SLC16A7: variants seen among roughly 807,000 people sequenced by gnomAD.
The protein encoded by SLC16A7 is solute carrier family 16 member 7.
Under a neutral mutation model 34.9 loss-of-function variants are expected in SLC16A7, and 33 were observed. That is an observed-to-expected ratio of 0.94 (90% CI 0.72 to 1.26). The LOEUF (loss-of-function observed/expected upper bound fraction) is 1.26, where lower values mean the gene tolerates loss of function less well. Ranked by LOEUF, SLC16A7 falls within the 50% of genes most tolerant of loss-of-function variation. The pLI is 0.00. For missense variants in SLC16A7, 573 were observed against 578.1 expected (o/e 0.99, Z 0.09); for synonymous variants, 201 against 206.6 (o/e 0.97, Z 0.23).
intron 2 of SLC16A7, among the ~76,000 whole-genome samples, chr12:59,702,620 A>G (rs1873022609): frequency 6.6e-6 from 1 of 152,096 alleles, no homozygotes; most frequent in Non-Finnish European, 1.5e-5. Context: ...TGACCTTGTC[A>G]CTATAGTTTC....
intron 1 of SLC16A7, among the ~76,000 whole-genome samples, chr12:59,633,761 GGA>G (rs1004364918): frequency 6.6e-6 from 1 of 151,974 alleles, no homozygotes; most frequent in Admixed American, 6.6e-5. Flanking sequence ...CATGTCAACA[GGA>G]GAGAGAGTCA....
At chr12:59,690,738 CTT>C (rs1565651207) in intron 2 of SLC16A7, among the ~76,000 whole-genome samples, 1 of 151,872 alleles carries the variant, frequency 6.6e-6, no homozygotes, top group Non-Finnish European at 1.5e-5. Flanking sequence ...AAAAGGGTGA[CTT>C]AACTTTCAGA....
At chr12:59,741,029 G>T (rs1016123934) in intron 3 of SLC16A7, among the ~76,000 whole-genome samples, 9 of 152,218 alleles carry the variant, frequency 5.9e-5, no homozygotes, top group African/African-American at 2.2e-4. Flanking sequence ...TCTTCAAGGA[G>T]AACTACAAAC....
At chr12:59,631,492 C>T (rs1171156003) in intron 1 of SLC16A7, among the ~76,000 whole-genome samples, 1 of 151,904 alleles carries the variant, frequency 6.6e-6, no homozygotes, top group East Asian at 1.9e-4. Context: ...ATATACTTGC[C>T]TCATCAGTCC....
chr12:59,770,517 AG>A (rs1460802950), intron 3 of SLC16A7, among the ~76,000 whole-genome samples: 1 of 152,210 alleles, frequency 6.6e-6, no homozygotes, highest in African/African-American at 2.4e-5. Flanking sequence ...GCTCCTTAAA[AG>A]GTTCTACTGA....
chr12:59,621,949 C>T (rs749847228), intron 1 of SLC16A7, among the ~76,000 whole-genome samples: 24 of 151,468 alleles, frequency 1.6e-4, no homozygotes, highest in Non-Finnish European at 3.1e-4. Context: ...TCCATTCCAC[C>T]CTCCAATCAC....
chr12:59,738,716 A>AGCAGTCT (rs1196050708), intron 3 of SLC16A7, among the ~76,000 whole-genome samples: 1 of 152,116 alleles, frequency 6.6e-6, no homozygotes, highest in Admixed American at 6.5e-5. Context: ...CTCATAGGTG[A>AGCAGTCT]AAGACTATGA....
chr12:59,754,519 A>C (rs1465615508), intron 3 of SLC16A7, among the ~76,000 whole-genome samples: 2 of 152,192 alleles, frequency 1.3e-5, no homozygotes, highest in African/African-American at 2.4e-5. Context: ...GAAATGGATA[A>C]ATTCCTCGAC....
At chr12:59,678,567 C>A (rs778755680) in intron 2 of SLC16A7, among the ~76,000 whole-genome samples, 20 of 152,144 alleles carry the variant, frequency 1.3e-4, no homozygotes, top group African/African-American at 4.1e-4. Context: ...GTTGTCCCAT[C>A]GTCTCTTTGA....
chr12:59,659,689 G>A (rs1868734330), intron 2 of SLC16A7, among the ~76,000 whole-genome samples: 1 of 152,056 alleles, frequency 6.6e-6, no homozygotes, highest in East Asian at 1.9e-4. Flanking sequence ...TTTCTCATTT[G>A]AACTTATCAT....
At chr12:59,657,727 G>A (rs1413159809) in intron 2 of SLC16A7, among the ~76,000 whole-genome samples, 1 of 151,842 alleles carries the variant, frequency 6.6e-6, no homozygotes, top group East Asian at 1.9e-4. Context: ...TAATTAATTC[G>A]ACCAACATGT....
chr12:59,689,721 A>G (rs1871427237), intron 2 of SLC16A7, among the ~76,000 whole-genome samples: 1 of 152,038 alleles, frequency 6.6e-6, no homozygotes. Context: ...GTGCCAGTTA[A>G]TGATCTAATG....
intron 3 of SLC16A7, among the ~76,000 whole-genome samples, chr12:59,760,659 G>A (rs1390887783): frequency 1.3e-5 from 2 of 151,906 alleles, no homozygotes; most frequent in Non-Finnish European, 2.9e-5. Context: ...ATAACTAAGA[G>A]GGCTGCTAAG....
intron 2 of SLC16A7, among the ~76,000 whole-genome samples, chr12:59,704,448 A>T (rs1277793631): frequency 6.6e-6 from 1 of 152,116 alleles, no homozygotes; most frequent in East Asian, 1.9e-4. Flanking sequence ...TATGTATCAG[A>T]TCTATCTTAG....
intron 1 of SLC16A7, among the ~76,000 whole-genome samples, chr12:59,618,684 T>A (rs1386167483): frequency 2.0e-5 from 3 of 151,972 alleles, no homozygotes; most frequent in African/African-American, 7.2e-5. Context: ...AGGTGTGTGA[T>A]CTTCCGTTTC....
intron 3 of SLC16A7, among the ~76,000 whole-genome samples, chr12:59,756,503 A>C (rs1392346785): frequency 1.3e-5 from 2 of 152,142 alleles, no homozygotes; most frequent in Admixed American, 6.6e-5. Flanking sequence ...AACACATGTA[A>C]AAATGCTCAC....
At chr12:59,725,189 T>C (rs1876092997) in intron 3 of SLC16A7, among the ~76,000 whole-genome samples, 1 of 152,094 alleles carries the variant, frequency 6.6e-6, no homozygotes. Flanking sequence ...GTATGGTTTG[T>C]CGTTAAACAG....
intron 2 of SLC16A7, among the ~76,000 whole-genome samples, chr12:59,702,335 C>G (rs1253057441): frequency 6.6e-6 from 1 of 151,892 alleles, no homozygotes; most frequent in Non-Finnish European, 1.5e-5. Flanking sequence ...AGAAATAAAC[C>G]TATCTTCCAA....
At chr12:59,743,701 A>G (rs908237282) in intron 3 of SLC16A7, among the ~76,000 whole-genome samples, 1 of 152,232 alleles carries the variant, frequency 6.6e-6, no homozygotes, top group Non-Finnish European at 1.5e-5. Flanking sequence ...TTACATTTAA[A>G]TGTGTACAAT....
Sources: allele counts gnomAD v4.1 joint callset (sites outside exome capture counted in the v4.1 genomes callset), GRCh38; gene constraint gnomAD v4.1.1; transcripts MANE v1.5; gene names NCBI Gene and HGNC (gene_info 2026-07-23, HGNC 2026-07-21).